The following ETFA variants were observed in gnomAD, a reference collection of about 807,000 sequenced individuals.
ETFA encodes electron transfer flavoprotein subunit alpha.
A neutral mutation model predicts 46.2 loss-of-function variants in ETFA; 22 were observed. The ratio of observed to expected loss-of-function variants is 0.48; its 90% CI spans 0.34 to 0.68. The LOEUF (loss-of-function observed/expected upper bound fraction) is 0.68. Ranked by LOEUF, ETFA falls within the 30% of genes least tolerant of loss-of-function variation. ETFA has a pLI of 0.01. For synonymous variants in ETFA, 131 were observed against 139.9 expected (o/e 0.94, Z 0.45); for missense variants, 345 against 401.1 (o/e 0.86, Z 1.19).
chr15:76,275,069 G>A (rs966470921), intron 8 of ETFA, among the ~76,000 whole-genome samples: 5 of 152,020 alleles, frequency 3.3e-5, no homozygotes, highest in Admixed American at 6.6e-5. Context: ...CTCCAAAAAC[G>A]CACAGCCTCA....
intron 1 of ETFA, among the ~76,000 whole-genome samples, chr15:76,310,828 T>C (rs57217518): frequency 0.11 from 17,237 of 152,038 alleles, 993 homozygotes; most frequent in South Asian, 0.18. Flanking sequence ...CTTCCATAAC[T>C]GGCCACGCAG....
chr15:76,245,823 T>C (rs1172133235), intron 9 of ETFA, among the ~76,000 whole-genome samples: 1 of 152,178 alleles, frequency 6.6e-6, no homozygotes, highest in Admixed American at 6.5e-5. Flanking sequence ...TCAAAAAAGC[T>C]AATAGAAGGC....
intron 9 of ETFA, among the ~76,000 whole-genome samples, chr15:76,237,199 C>G (rs2039133784): frequency 6.6e-6 from 1 of 152,066 alleles, no homozygotes; most frequent in Non-Finnish European, 1.5e-5. Flanking sequence ...ATTACAGGAA[C>G]GTGCCACCTC....
At chr15:76,246,649 G>A (rs56313024) in intron 9 of ETFA, among the ~76,000 whole-genome samples, 1 of 151,914 alleles carries the variant, frequency 6.6e-6, no homozygotes, top group Non-Finnish European at 1.5e-5. Flanking sequence ...GGCTAACATG[G>A]TGAAATCCTG....
At chr15:76,295,516 A>G in intron 2 of ETFA, 75 bp downstream of exon 2, 1 of 1,300,694 alleles carries the variant, frequency 7.7e-7, no homozygotes, top group South Asian at 1.2e-5. Flanking sequence ...TCCTAAGCAT[A>G]ATTCTCTGTT....
At chr15:76,305,629 G>C (rs1045677370) in intron 1 of ETFA, among the ~76,000 whole-genome samples, 1 of 152,100 alleles carries the variant, frequency 6.6e-6, no homozygotes, top group Non-Finnish European at 1.5e-5. Context: ...CTTGTGGGCA[G>C]GATTTAAAGA....
chr15:76,259,478 A>G (rs907278119), intron 9 of ETFA: 62 of 869,548 alleles, frequency 7.1e-5, no homozygotes, highest in Non-Finnish European at 8.0e-6. Context: ...GATTCCCGCC[A>G]ATGAGGTAGT....
chr15:76,295,933 A>ACTCTTTTTTTTTTTTTTTTTTTT (rs1220872210), intron 1 of ETFA, among the ~76,000 whole-genome samples, 196 bp from the exon 2 acceptor site: 1 of 58,512 alleles, frequency 1.7e-5, no homozygotes, highest in African/African-American at 5.2e-5. Context: ...TACCACTAAT[A>ACTCTTTTTTTTTTTTTTTTTTTT]TTCTTTTTTT....
At chr15:76,301,970 CA>C (rs1266787391) in intron 1 of ETFA, among the ~76,000 whole-genome samples, 1 of 152,098 alleles carries the variant, frequency 6.6e-6, no homozygotes, top group Non-Finnish European at 1.5e-5. Context: ...TAGGAAATTG[CA>C]AATTAAAACG....
chr15:76,232,112 T>A (rs900379966), intron 9 of ETFA, among the ~76,000 whole-genome samples: 3 of 152,130 alleles, frequency 2.0e-5, no homozygotes, highest in Non-Finnish European at 4.4e-5. Flanking sequence ...CATACCACAG[T>A]TTTTTGGTAA....
chr15:76,305,048 AAAAAG>A lies in ETFA; in HGVS notation c.39+6297_39+6301del, dbSNP rs1217468817. 4.8e-3 allele frequency among the ~76,000 whole-genome samples: 726 copies of A among 150,978 alleles called. 6 individuals carry two copies. Among genetic ancestry groups the A allele is most frequent in the African/African-American group, 0.017 (695 of 40,408 alleles). On this transcript the variant is annotated intron_variant, in intron 1 of 11. Coordinates refer to ENST00000557943, the MANE Select transcript of ETFA (RefSeq NM_000126.4). Reference sequence around the variant, plus strand: ...ACAGTGAGACTCTGTCTCAAAAAAAAAAAAGAAAGAAAGAAAGAAAGAAAATCCTC... The same window carrying A: ...ACAGTGAGACTCTGTCTCAAAAAAAAAAAGAAAGAAAGAAAGAAAATCCTC...
intron 9 of ETFA, among the ~76,000 whole-genome samples, chr15:76,273,621 G>A (rs1369772197): frequency 6.6e-6 from 1 of 151,890 alleles, no homozygotes; most frequent in East Asian, 1.9e-4. Context: ...CCTTGAAAAT[G>A]TTGACTACAG....
intron 9 of ETFA, among the ~76,000 whole-genome samples, chr15:76,251,437 G>GTTT (rs999282803): frequency 3.3e-4 from 50 of 152,282 alleles, no homozygotes; most frequent in African/African-American, 1.0e-3. Context: ...TAAATAAGGG[G>GTTT]TTTTAAAAGG....
intron 8 of ETFA, among the ~76,000 whole-genome samples, chr15:76,282,264 T>C (rs2039663034): frequency 6.6e-6 from 1 of 151,990 alleles, no homozygotes; most frequent in South Asian, 2.1e-4. Flanking sequence ...GAAGATGATA[T>C]GAAGACAGAG....
At chr15:76,304,245 C>T (rs912363869) in intron 1 of ETFA, among the ~76,000 whole-genome samples, 2 of 152,086 alleles carry the variant, frequency 1.3e-5, no homozygotes, top group African/African-American at 4.8e-5. Flanking sequence ...ACATCAAATA[C>T]CTATGGATAC....
intron 9 of ETFA, among the ~76,000 whole-genome samples, chr15:76,270,435 G>A (rs1332395796): frequency 1.3e-5 from 2 of 152,126 alleles, no homozygotes; most frequent in Non-Finnish European, 1.5e-5. Flanking sequence ...AAATATAAAT[G>A]TAAATGTGTT....
At chr15:76,254,983 A>AT (rs1001356287) in intron 9 of ETFA, among the ~76,000 whole-genome samples, 2 of 152,242 alleles carry the variant, frequency 1.3e-5, no homozygotes, top group South Asian at 2.1e-4. Context: ...TAACATTTAC[A>AT]TTTTTTTAAA....
chr15:76,295,933 A>ATTTTTTTTTTTTTTTTTTTTTTTTTTT (rs1555459250), intron 1 of ETFA, among the ~76,000 whole-genome samples, 196 bp from the exon 2 acceptor site: 2 of 58,512 alleles, frequency 3.4e-5, no homozygotes, highest in Admixed American at 2.3e-4. Context: ...TACCACTAAT[A>ATTTTTTTTTTTTTTTTTTTTTTTTTTT]TTCTTTTTTT....
chr15:76,284,881 G>C (rs982159527), intron 7 of ETFA: 1 of 374,240 alleles, frequency 2.7e-6, no homozygotes, highest in Non-Finnish European at 5.1e-6. Flanking sequence ...GGTGAGCAGA[G>C]ATTGTGCCAT....
Sources: gnomAD v4.1 joint callset for allele counts (sites outside exome capture counted in the v4.1 genomes callset) on GRCh38, gnomAD v4.1.1 for gene constraint, MANE v1.5 for transcripts, NCBI Gene and HGNC (gene_info 2026-07-23, HGNC 2026-07-21) for gene names.